APC: variants seen among roughly 807,000 people sequenced by gnomAD.
APC encodes APC regulator of Wnt signaling pathway, also known as adenomatous polyposis coli protein.
APC carries 72 observed loss-of-function variants against 247.0 expected under a neutral mutation model. The observed-to-expected ratio is 0.29, with a 90% CI of 0.24 to 0.35. The LOEUF is 0.35. Among genes scored for constraint, APC ranks in the 10% least tolerant of loss-of-function variants. APC has a pLI of 1.00. For missense variants in APC, 3,400 were observed against 3,360.7 expected (o/e 1.01, Z -0.29); for synonymous variants, 1,254 against 1,162.5 (o/e 1.08, Z -1.60).
chr5:112,842,281 A>G lies in APC; in HGVS notation c.6687A>G (p.Thr2229=). ...TGCCTTCAATCTCTCGAGGCAGGACAATGATTCATATTCCAGGAGTTCGAA... is the reference window on the plus strand; with the variant it reads ...TGCCTTCAATCTCTCGAGGCAGGACGATGATTCATATTCCAGGAGTTCGAA... ...ANMPSISRGR[T]MIHIPGVRNS... is the part of the protein sequence containing the mutation. The change falls in exon 16 of 16, where the codon ACA becomes ACG. Residue 2229 remains threonine (T), a synonymous_variant. Transcript: ENST00000257430. 1 of 1,614,018 alleles carries G rather than the reference A, an allele frequency of 6.2e-7. No individual in the cohort carries two copies. The highest frequency in any genetic ancestry group is 8.5e-7 in the Non-Finnish European group (1 of 1,179,906).
intron 7 of APC, among the ~76,000 whole-genome samples, chr5:112,799,829 C>G (rs139420929): frequency 0.013 from 1,996 of 152,230 alleles, 36 homozygotes; most frequent in Non-Finnish European, 0.018. Context: ...GCCACACTCC[C>G]TCCTACCCTG....
At position 112,842,641 on chromosome 5, in the gene APC, A is replaced by G. The variant is rs1274342268; in HGVS notation, c.7047A>G (p.Ser2349=). 1.2e-6 allele frequency: 2 copies of G among 1,613,836 alleles called. No homozygotes were observed. The highest frequency in any genetic ancestry group is 1.3e-5 in the African/African-American group (1 of 74,932). Residue 2349 remains serine (S), a synonymous_variant, in exon 16 of 16, where the codon TCA becomes TCG. Transcript: ENST00000257430. Reference sequence around the variant, plus strand: ...AATTATCTCAACTTCCAAGGACATCATCCCCTAGTACTGCTTCAACTAAGT... The same window carrying G: ...AATTATCTCAACTTCCAAGGACATCGTCCCCTAGTACTGCTTCAACTAAGT... ...PNKLSQLPRT[S]SPSTASTKSS...
At chr5:112,746,230 A>G (rs1753660044) in intron 1 of APC, among the ~76,000 whole-genome samples, 1 of 152,134 alleles carries the variant, frequency 6.6e-6, no homozygotes, top group South Asian at 2.1e-4. Context: ...AAACTTTAAA[A>G]TACTTTAAAA....
chr5:112,804,649 A>G (rs894792490), intron 8 of APC, among the ~76,000 whole-genome samples: 2 of 152,336 alleles, frequency 1.3e-5, no homozygotes, highest in Non-Finnish European at 2.9e-5. Flanking sequence ...AATTGCTGGG[A>G]TAACAGGCGT....
In APC at chr5:112,828,968, A is replaced by C; in HGVS notation, c.1739A>C (p.Lys580Thr). 1 of 1,608,216 alleles carries C rather than the reference A, an allele frequency of 6.2e-7. No individual in the cohort carries two copies. Among genetic ancestry groups the C allele is most frequent in the Non-Finnish European group, 8.5e-7 (1 of 1,174,744 alleles). Residue 580 changes from lysine to threonine, a missense_variant, in exon 14 of 16, where the codon AAA (lysine) becomes ACA (threonine). Physicochemically the swap from Lys to Thr is moderately conservative, Grantham distance 78. Transcript: ENST00000257430. ...TTGATGGAATGTGCTTTAGAAGTTA[A>C]AAAGGTACCTTTGAAAACATTTAGT... ...KALMECALEVKKESTLKSVLS... is the reference protein window; with the variant it reads ...KALMECALEVTKESTLKSVLS...
At chr5:112,804,360 TAATA>T (rs1178320334) in intron 8 of APC, among the ~76,000 whole-genome samples, 1 of 152,176 alleles carries the variant, frequency 6.6e-6, no homozygotes, top group Admixed American at 6.6e-5. Flanking sequence ...TGTTGAATAT[TAATA>T]AATATTATTG....
intron 1 of APC, among the ~76,000 whole-genome samples, chr5:112,753,826 A>G (rs1454419058): frequency 6.6e-6 from 1 of 152,194 alleles, no homozygotes; most frequent in Admixed American, 6.5e-5. Flanking sequence ...TTTTAATGTC[A>G]AGATGTTTAA....
In APC at chr5:112,842,215, A is replaced by G. The variant is rs1057521923; in HGVS notation, c.6621A>G (p.Ser2207=). 1.2e-6 allele frequency: 2 copies of G among 1,613,752 alleles called. No individual in the cohort carries two copies. Among genetic ancestry groups the G allele is most frequent in the Non-Finnish European group, 1.7e-6 (2 of 1,179,602 alleles). The change falls in exon 16 of 16, where the codon TCA becomes TCG. Residue 2207 remains serine (S), a synonymous_variant. Coordinates refer to ENST00000257430, the MANE Select transcript of APC (RefSeq NM_000038.6). ...SLITGKVRSN[S]EISGQMKQPL... is the part of the protein sequence containing the mutation. ...TTACTGGAAAAGTTCGATCTAATTC[A>G]GAAATTTCAGGCCAAATGAAACAGC...
At chr5:112,751,432 G>C (rs900151405) in intron 1 of APC, among the ~76,000 whole-genome samples, 1 of 152,018 alleles carries the variant, frequency 6.6e-6, no homozygotes, top group Non-Finnish European at 1.5e-5. Context: ...AGCTTAGGGA[G>C]AAATGGCATT....
Position 112,815,594 on chromosome 5 carries a change from G to A in APC, c.933+1G>A, listed in dbSNP as rs876660765. 1 of 1,608,722 alleles carries A rather than the reference G, an allele frequency of 6.2e-7. No individual in the cohort carries two copies. Among genetic ancestry groups the A allele is most frequent in the Non-Finnish European group, 8.5e-7 (1 of 1,176,242 alleles). On this transcript the variant is annotated splice_donor_variant, in intron 9 of 15. Transcript: ENST00000257430. LOFTEE classifies it high-confidence loss of function. ...GCTGACAAGTCATCTGGGAACCAAG[G>A]TAACAGAAGATTACAAACCCTGGTC... is the stretch of plus-strand genomic sequence containing the variant.
At chr5:112,785,833 G>A (rs1312822247) in intron 6 of APC, among the ~76,000 whole-genome samples, 1 of 152,104 alleles carries the variant, frequency 6.6e-6, no homozygotes, top group Non-Finnish European at 1.5e-5. Context: ...GTTATAGGTT[G>A]ATTAGCTATT....
upstream of APC, among the ~76,000 whole-genome samples, chr5:112,733,886 A>G (rs1752227896): frequency 6.6e-6 from 1 of 152,216 alleles, no homozygotes; most frequent in Non-Finnish European, 1.5e-5. Flanking sequence ...AAGTGTGAAG[A>G]ACTATTTTGG....
intron 8 of APC, among the ~76,000 whole-genome samples, chr5:112,802,816 C>G (rs1163703886): frequency 2.6e-5 from 4 of 152,036 alleles, no homozygotes; most frequent in African/African-American, 9.7e-5. Flanking sequence ...CAACCAAGAT[C>G]ACATTATTTG....
chr5:112,731,495 AAC>A (rs1168656181), intron 1 of APC, among the ~76,000 whole-genome samples: 1 of 152,144 alleles, frequency 6.6e-6, no homozygotes, highest in Admixed American at 6.5e-5. Context: ...TTTTTAATAA[AAC>A]ACATTAATCC....
At chr5:112,824,538 C>T (rs995863674) in intron 11 of APC, among the ~76,000 whole-genome samples, 1 of 152,002 alleles carries the variant, frequency 6.6e-6, no homozygotes, top group Non-Finnish European at 1.5e-5. Flanking sequence ...GTATCAAATC[C>T]TAAGATTTTT....
chr5:112,810,902 G>GT (rs1761920060), intron 8 of APC, among the ~76,000 whole-genome samples: 1 of 152,152 alleles, frequency 6.6e-6, no homozygotes, highest in South Asian at 2.1e-4. Flanking sequence ...GCACATGCCT[G>GT]TAATCCCAGC....
upstream of APC, among the ~76,000 whole-genome samples, chr5:112,734,125 C>T (rs143872408): frequency 2.6e-3 from 399 of 152,186 alleles, 1 homozygote; most frequent in African/African-American, 8.9e-3. Context: ...GTTAGGAGTT[C>T]GAGGTTACAG....
chr5:112,740,858 C>T (rs1752934239), intron 1 of APC, among the ~76,000 whole-genome samples: 1 of 151,936 alleles, frequency 6.6e-6, no homozygotes, highest in African/African-American at 2.4e-5. Flanking sequence ...GTAGATTTTA[C>T]CATTTTTGTC....
chr5:112,840,202 A>G lies in APC; in HGVS notation c.4608A>G (p.Glu1536=), dbSNP rs1554086002. 6 of 1,614,222 alleles carry G rather than the reference A, an allele frequency of 3.7e-6. No homozygotes were observed. The highest frequency in any genetic ancestry group is 5.1e-6 in the Non-Finnish European group (6 of 1,180,030). The change falls in exon 16 of 16, where the codon GAA becomes GAG. Residue 1536 remains glutamate, a synonymous_variant. Transcript: ENST00000257430. This position sits in a 1 kb window ranked among gnomAD's most constrained non-coding sequence, Gnocchi z 4.1. The stretch of plus-strand genomic sequence containing the variant: ...TTCAGGAAAATGACAATGGGAATGA[A>G]ACAGAATCAGAGCAGCCTAAAGAAT... ...PPVQENDNGN[E]TESEQPKESN...
Sources: allele counts gnomAD v4.1 joint callset (sites outside exome capture counted in the v4.1 genomes callset), GRCh38; gene constraint gnomAD v4.1.1; non-coding constraint Gnocchi (gnomAD v3.1); transcripts MANE v1.5; gene names NCBI Gene and HGNC (gene_info 2026-07-23, HGNC 2026-07-21).